RIMKLB: variants seen among roughly 807,000 people sequenced by gnomAD.
The protein encoded by RIMKLB is beta-citrylglutamate synthase B.
Under a neutral mutation model 32.0 loss-of-function variants are expected in RIMKLB, and 7 were observed. That is an observed-to-expected ratio of 0.22 (90% CI 0.12 to 0.41). The LOEUF is 0.41. RIMKLB is among the 10% of genes least tolerant of loss of function. The pLI is 1.00. For synonymous variants in RIMKLB, 172 were observed against 185.1 expected (o/e 0.93, Z 0.57); for missense variants, 289 against 498.7 (o/e 0.58, Z 4.00).
chr12:8,693,690 A>G, upstream of RIMKLB, among the ~76,000 whole-genome samples: 1 of 152,030 alleles, frequency 6.6e-6, no homozygotes. Context: ...GAGACACCAC[A>G]CCGGGCCTGT....
intron 2 of RIMKLB, among the ~76,000 whole-genome samples, chr12:8,749,238 GTCTC>G (rs1225654157): frequency 7.0e-6 from 1 of 143,278 alleles, no homozygotes; most frequent in East Asian, 2.0e-4. Context: ...TTTTTTTTGA[GTCTC>G]TCTGTGTCAC....
intron 2 of RIMKLB, among the ~76,000 whole-genome samples, chr12:8,719,719 G>C (rs1333455093): frequency 6.6e-6 from 1 of 152,134 alleles, no homozygotes; most frequent in Non-Finnish European, 1.5e-5. Context: ...GATCTACTTA[G>C]TAATGTGGGA....
At chr12:8,670,017 A>G in the RIMKLB span, among the ~76,000 whole-genome samples, 1 of 125,158 alleles carries the variant, frequency 8.0e-6, no homozygotes, top group African/African-American at 3.5e-5. Flanking sequence ...ACAGAGCAAG[A>G]CTCCGTCTCA....
intron 5 of RIMKLB, among the ~76,000 whole-genome samples, chr12:8,762,933 CTTTT>C (rs1004403915): frequency 6.6e-6 from 1 of 151,982 alleles, no homozygotes; most frequent in Non-Finnish European, 1.5e-5. Flanking sequence ...CAGTTATGTT[CTTTT>C]TTTTATTGTC....
At chr12:8,731,286 C>T (rs1389627993) in intron 2 of RIMKLB, among the ~76,000 whole-genome samples, 1 of 147,502 alleles carries the variant, frequency 6.8e-6, no homozygotes, top group Non-Finnish European at 1.5e-5. Context: ...GTAGTAGAGA[C>T]AGGGTTTCGC....
At chr12:8,769,213 A>G (rs1369428906) in intron 5 of RIMKLB, among the ~76,000 whole-genome samples, 1 of 151,966 alleles carries the variant, frequency 6.6e-6, no homozygotes, top group Non-Finnish European at 1.5e-5. Context: ...CTTTACCATT[A>G]CCCTATTACC....
In RIMKLB at chr12:8,766,894, A is replaced by G. The variant is rs763576177; in HGVS notation, c.698-6427A>G. Among the ~76,000 whole-genome samples, 17 of 152,374 alleles carry G rather than the reference A, an allele frequency of 1.1e-4. No homozygotes were observed. In the South Asian group the frequency reaches 3.5e-3, roughly 32 times the overall value. ...ACTTTTTGCTTTTTTGACTTAGGAT[A>G]ATTCTGAACTGGTGAGGTGCTCACA... On this transcript the variant is annotated intron_variant, in intron 5 of 5. Transcript: ENST00000535829.
intron 2 of RIMKLB, among the ~76,000 whole-genome samples, chr12:8,748,774 T>G (rs1023136792): frequency 1.3e-5 from 2 of 151,888 alleles, no homozygotes; most frequent in South Asian, 4.2e-4. Context: ...CCATCTCTAC[T>G]AAAAATACAA....
intron 1 of RIMKLB, among the ~76,000 whole-genome samples, chr12:8,710,564 C>T (rs1203722784): frequency 6.6e-6 from 1 of 152,062 alleles, no homozygotes; most frequent in Non-Finnish European, 1.5e-5. Context: ...CCTTGGCCTT[C>T]CAAAGTTCTG....
intron 1 of RIMKLB, among the ~76,000 whole-genome samples, chr12:8,701,922 C>T (rs748987530): frequency 3.3e-5 from 5 of 151,754 alleles, no homozygotes; most frequent in African/African-American, 9.7e-5. Context: ...AGGAGAATTG[C>T]ATTAACCCTG....
At chr12:8,739,488 T>C (rs1162333480) in intron 2 of RIMKLB, among the ~76,000 whole-genome samples, 1 of 152,078 alleles carries the variant, frequency 6.6e-6, no homozygotes. Flanking sequence ...GGGCCATCTC[T>C]TTTCTTTTTT....
chr12:8,687,005 C>T (rs964904876), intron 1 of RIMKLB, among the ~76,000 whole-genome samples: 1 of 152,092 alleles, frequency 6.6e-6, no homozygotes, highest in Non-Finnish European at 1.5e-5. Context: ...GGTAAGAATA[C>T]GTACTTGGCG....
intron 2 of RIMKLB, among the ~76,000 whole-genome samples, chr12:8,717,057 C>CTTTTTTTTTT (rs558195222): frequency 8.0e-6 from 1 of 125,002 alleles, no homozygotes; most frequent in African/African-American, 2.9e-5. Context: ...GAGGGTTTTT[C>CTTTTTTTTTT]TTTTTTTTTT....
chr12:8,694,387 A>ATTTTTTTTTT (rs769859426), upstream of RIMKLB, among the ~76,000 whole-genome samples: 67 of 119,084 alleles, frequency 5.6e-4, 3 homozygotes, highest in African/African-American at 2.1e-3. Context: ...ATCCTGTTGA[A>ATTTTTTTTTT]TTTTTTTTCT....
chr12:8,754,635 A>G (rs1173838170), intron 5 of RIMKLB, among the ~76,000 whole-genome samples: 1 of 152,104 alleles, frequency 6.6e-6, no homozygotes, highest in Non-Finnish European at 1.5e-5. Flanking sequence ...TATTATTTCC[A>G]AATTTCTATC....
At chr12:8,705,610 G>A (rs1334634936) in intron 1 of RIMKLB, among the ~76,000 whole-genome samples, 1 of 152,160 alleles carries the variant, frequency 6.6e-6, no homozygotes, top group Non-Finnish European at 1.5e-5. Flanking sequence ...CCTTAATAAG[G>A]ATAGGTATAT....
chr12:8,754,710 C>T (rs1948876440), intron 5 of RIMKLB, among the ~76,000 whole-genome samples: 1 of 152,152 alleles, frequency 6.6e-6, no homozygotes, highest in Non-Finnish European at 1.5e-5. Context: ...TACTCAGTAT[C>T]TCCAAAACTG....
At chr12:8,718,663 A>ATGTG (rs1379997821) in intron 2 of RIMKLB, among the ~76,000 whole-genome samples, 63 of 116,132 alleles carry the variant, frequency 5.4e-4, no homozygotes, top group African/African-American at 1.6e-3. Context: ...CTATATATAT[A>ATGTG]TATATATGTG....
chr12:8,675,770 T>C, the RIMKLB span, among the ~76,000 whole-genome samples: 7 of 151,830 alleles, frequency 4.6e-5, no homozygotes, highest in East Asian at 1.3e-3. Flanking sequence ...TTTGGGAGAG[T>C]ACATATAGTT....
Sources: allele counts gnomAD v4.1 joint callset (sites outside exome capture counted in the v4.1 genomes callset), GRCh38; gene constraint gnomAD v4.1.1; transcripts MANE v1.5; gene names NCBI Gene and HGNC (gene_info 2026-07-23, HGNC 2026-07-21).